VPS52: variants seen among roughly 807,000 people sequenced by gnomAD.
VPS52 encodes vacuolar protein sorting-associated protein 52 homolog.
VPS52 carries 56 observed loss-of-function variants against 98.7 expected under a neutral mutation model. The observed-to-expected ratio is 0.57, with a 90% CI of 0.46 to 0.71. The LOEUF (loss-of-function observed/expected upper bound fraction) is 0.71. Ranked by LOEUF, VPS52 falls within the 30% of genes least tolerant of loss-of-function variation. VPS52 has a pLI of 0.00. For synonymous variants in VPS52, 348 were observed against 346.4 expected (o/e 1.00, Z -0.05); for missense variants, 742 against 925.9 (o/e 0.80, Z 2.58).
Position 33,268,257 on chromosome 6 carries a change from T to C in VPS52, c.700-49A>G. ...GGGCATGAAGCTGCAACCCTTTTGC[T>C]GTATGAGAGGAACTGGGGGAAGCAA... is the stretch of plus-strand genomic sequence containing the variant. On this transcript the variant is annotated intron_variant, in intron 7 of 19. Coordinates refer to ENST00000445902, the MANE Select transcript of VPS52 (RefSeq NM_022553.6). This position sits in a 1 kb window ranked among gnomAD's most constrained non-coding sequence, Gnocchi z 4.0. 1 of 1,584,054 alleles carries C rather than the reference T, an allele frequency of 6.3e-7. No individual in the cohort carries two copies. Among genetic ancestry groups the C allele is most frequent in the Non-Finnish European group, 8.7e-7 (1 of 1,154,282 alleles).
chr6:33,253,472 A>C (rs1372611710), intron 17 of VPS52, among the ~76,000 whole-genome samples: 2 of 151,200 alleles, frequency 1.3e-5, no homozygotes, highest in African/African-American at 4.9e-5. Flanking sequence ...CCTGGAGGCA[A>C]CAAGAGTGAA....
At chr6:33,262,016 GACA>G (rs1763683743) in intron 17 of VPS52, among the ~76,000 whole-genome samples, 2 of 75,370 alleles carry the variant, frequency 2.7e-5, no homozygotes, top group Middle Eastern at 0.017. Context: ...CTCCAGCCTG[GACA>G]ACAAGAACAA....
chr6:33,264,640 G>A lies in VPS52; in HGVS notation c.1400+142C>T. The stretch of plus-strand genomic sequence containing the variant: ...TGGTTGGAGAAAGGTGAGTCAAAAA[G>A]CAGCACTACTGCCTCCGGAGCAAAT... On this transcript the variant is annotated intron_variant, in intron 13 of 19. Transcript: ENST00000445902. The A allele has an allele frequency of 2.8e-6, 4 of 1,427,720 alleles. No individual in the cohort carries two copies. In the South Asian group the frequency reaches 4.9e-5, roughly 17 times the overall value. 88.4% of individuals were successfully genotyped at this position (1,427,720 alleles called of 1,614,324 possible).
chr6:33,266,883 G>T (rs1356206920), intron 11 of VPS52, among the ~76,000 whole-genome samples, 171 bp from the exon 12 acceptor site: 1 of 152,074 alleles, frequency 6.6e-6, no homozygotes, highest in Non-Finnish European at 1.5e-5. Flanking sequence ...CTGAAAAGGT[G>T]GGGGAACATA....
At chr6:33,251,783 A>T in intron 18 of VPS52, 77 bp downstream of exon 18, 1 of 1,497,638 alleles carries the variant, frequency 6.7e-7, no homozygotes, top group Non-Finnish European at 9.3e-7. Flanking sequence ...TTCCCCCACC[A>T]TGTAATCTGC....
chr6:33,255,924 G>A (rs1232256397), intron 17 of VPS52, among the ~76,000 whole-genome samples: 2 of 152,018 alleles, frequency 1.3e-5, no homozygotes. Context: ...TTACAGGCAT[G>A]AGCCACAGCA....
chr6:33,267,291 C>T lies in VPS52; in HGVS notation c.1022G>A (p.Arg341Lys). 6.2e-7 allele frequency: 1 copy of T among 1,600,922 alleles called. No individual in the cohort carries two copies. The highest frequency in any genetic ancestry group is 8.5e-7 in the Non-Finnish European group (1 of 1,174,274). The change falls in exon 11 of 20, where the codon AGG (arginine) becomes AAG (lysine). Residue 341 changes from arginine (R) to lysine (K), a missense_variant. By Grantham distance (26) the Arg-to-Lys change is conservative. Transcript: ENST00000445902. This position sits in a 1 kb window ranked among gnomAD's most constrained non-coding sequence, Gnocchi z 4.2. ...GGTTCCTAGGGTGAAAATGGTGTTC[C>T]TGCTGCGGAGCGATGGCTTTGAGAA... ...GFFSKPSLRS[R>K]NTIFTLGTRG...
At chr6:33,265,039 C>T (rs1764133302) in intron 12 of VPS52, 139 bp from the exon 13 acceptor site, 3 of 782,784 alleles carry the variant, frequency 3.8e-6, no homozygotes, top group Non-Finnish European at 6.6e-6. Context: ...ATGGAACTGC[C>T]CCCTGCTTTC....
chr6:33,250,740 A>AG lies in VPS52; in HGVS notation c.*100dup, dbSNP rs1291785671. 2.0e-6 allele frequency: 3 copies of AG among 1,488,468 alleles called. No individual in the cohort carries two copies. The highest frequency in any genetic ancestry group is 2.8e-5 in the African/African-American group (2 of 71,268). 92.2% of individuals were successfully genotyped at this position (1,488,468 alleles called of 1,614,324 possible). ...AGCCATGTCAAGGGCCTGGGAAGCA[A>AG]GGGGAAAACTGGAAGGGGTACCCCA... On this transcript the variant is annotated 3_prime_UTR_variant, in exon 20 of 20. Coordinates refer to ENST00000445902, the MANE Select transcript of VPS52 (RefSeq NM_022553.6).
Position 33,268,893 on chromosome 6 carries a change from G to T in VPS52, c.548+121C>A. On this transcript the variant is annotated intron_variant, in intron 6 of 19. Transcript: ENST00000445902. The surrounding 1 kb of genome is among the most constrained non-coding windows in gnomAD (Gnocchi z 4.0). ...TACCTAAAGAAATGGTGGTTAACCT[G>T]GCTACTAATTTCTAAAAAGCACTTA... The T allele has an allele frequency of 7.5e-7, 1 of 1,338,180 alleles. No homozygotes were observed. The highest frequency in any genetic ancestry group is 1.0e-6 in the Non-Finnish European group (1 of 978,416). The allele number at this position is 1,338,180 out of a possible 1,614,324, so 82.9% of individuals were successfully genotyped here.
intron 17 of VPS52, among the ~76,000 whole-genome samples, chr6:33,258,259 C>T (rs547819202): frequency 1.5e-4 from 23 of 151,830 alleles, no homozygotes; most frequent in South Asian, 4.2e-4. Context: ...TGGTAGCACA[C>T]GCCTGTAATC....
intron 1 of VPS52, chr6:33,271,184 G>A: frequency 1.8e-6 from 1 of 566,338 alleles, no homozygotes. Flanking sequence ...TCCTAACGAC[G>A]ATGTATACAA....
rs959065731 is a variant in VPS52, at chr6:33,264,561, T to A, written c.1401-64A>T. The A allele has an allele frequency of 3.7e-6, 6 of 1,601,558 alleles. No individual in the cohort carries two copies. The African/African-American group carries it at 8.1e-5, about 22-fold the overall frequency. On this transcript the variant is annotated intron_variant, in intron 13 of 19. Transcript: ENST00000445902. ...AATGTTGGAGGGGGATGGGAGGGAGTGGGGCATCATTCAGTTTAATGGTCA... is the reference window on the plus strand; with the variant it reads ...AATGTTGGAGGGGGATGGGAGGGAGAGGGGCATCATTCAGTTTAATGGTCA...
At chr6:33,255,288 C>T (rs1258391685) in intron 17 of VPS52, among the ~76,000 whole-genome samples, 2 of 152,024 alleles carry the variant, frequency 1.3e-5, no homozygotes, top group Non-Finnish European at 1.5e-5. Context: ...GGACCAGAAG[C>T]ATTGATGGCA....
chr6:33,254,367 C>T (rs532711657), intron 17 of VPS52, among the ~76,000 whole-genome samples: 11 of 152,294 alleles, frequency 7.2e-5, no homozygotes, highest in Middle Eastern at 3.4e-3. Context: ...TGTCAAATAA[C>T]TAATATGCTG....
In VPS52 at chr6:33,269,059, A is replaced by G; in HGVS notation, c.503T>C (p.Leu168Pro). ...LRNRQAVRGK[L>P]GELVDGLVVP... ...CACCAGACCATCAACAAGCTCCCCA[A>G]GTTTCCCCCGAACTGCCTGGCGATT... Residue 168 changes from leucine (L) to proline (P), a missense_variant, in exon 6 of 20, where the codon CTT (leucine) becomes CCT (proline). Coordinates refer to ENST00000445902, the MANE Select transcript of VPS52 (RefSeq NM_022553.6). 1 of 1,612,702 alleles carries G rather than the reference A, an allele frequency of 6.2e-7. No individual in the cohort carries two copies. Among genetic ancestry groups the G allele is most frequent in the Non-Finnish European group, 8.5e-7 (1 of 1,179,886 alleles).
rs1256350083 is a variant in VPS52 at position 33,266,716 on chromosome 6, G to A, written c.1126-4C>T. 2 of 1,602,474 alleles carry A rather than the reference G, an allele frequency of 1.2e-6. No homozygotes were observed. Among genetic ancestry groups the A allele is most frequent in the African/African-American group, 1.3e-5 (1 of 74,648 alleles). On this transcript the variant is annotated splice_region_variant and splice_polypyrimidine_tract_variant and intron_variant, in intron 11 of 19. Transcript: ENST00000445902. Reference sequence around the variant, plus strand: ...GGAAGAGGGCCTCAAATGGATACTGGGAGAGGAGGAGTAAAGAAGAAAAAC... The same window carrying A: ...GGAAGAGGGCCTCAAATGGATACTGAGAGAGGAGGAGTAAAGAAGAAAAAC...
rs751054228 is a variant in VPS52, at chr6:33,251,871, C to T, written c.1895G>A (p.Arg632Gln). ...LIERGQAERL[R>Q]GEEARVTQLI... ...TATTTTCCTCATACCTTCTTCCCCT[C>T]GAAGTCGCTCAGCCTGTCCACGCTC... The change falls in exon 18 of 20, where the codon CGA becomes CAA. Residue 632 changes from arginine (R) to glutamine (Q), a missense_variant. Physicochemically the swap from Arg to Gln is conservative, Grantham distance 43. Coordinates refer to ENST00000445902, the MANE Select transcript of VPS52 (RefSeq NM_022553.6). The T allele has an allele frequency of 1.5e-5, 25 of 1,613,482 alleles. No homozygotes were observed. Among genetic ancestry groups the T allele is most frequent in the Non-Finnish European group, 2.1e-5 (25 of 1,180,048 alleles).
chr6:33,263,546 G>A lies in VPS52; in HGVS notation c.1732C>T (p.Arg578Trp), dbSNP rs151049961. ...YDMMLGVLME[R>W]AADDSKEVES... is the part of the protein sequence containing the mutation. ...ACCTCTTTGCTGTCATCTGCAGCCC[G>A]CTCCTAAGGGAAGACAAAGGGAAAT... Residue 578 changes from arginine (R) to tryptophan (W), a missense_variant, in exon 17 of 20, where the codon CGG (arginine) becomes TGG (tryptophan). Coordinates refer to ENST00000445902, the MANE Select transcript of VPS52 (RefSeq NM_022553.6). 365 of 1,613,942 alleles carry A rather than the reference G, an allele frequency of 2.3e-4. No individual in the cohort carries two copies. The highest frequency in any genetic ancestry group is 2.7e-4 in the Non-Finnish European group (320 of 1,180,032).
Sources: allele counts gnomAD v4.1 joint callset (sites outside exome capture counted in the v4.1 genomes callset), GRCh38; gene constraint gnomAD v4.1.1; non-coding constraint Gnocchi (gnomAD v3.1); transcripts MANE v1.5; gene names NCBI Gene and HGNC (gene_info 2026-07-23, HGNC 2026-07-21).